TFR2: variants seen among roughly 807,000 people sequenced by gnomAD.
TFR2 encodes the protein transferrin receptor 2.
TFR2 carries 64 observed loss-of-function variants against 91.9 expected under a neutral mutation model. The observed-to-expected ratio is 0.70, with a 90% CI of 0.57 to 0.86. The LOEUF is 0.86. Ranked by LOEUF, TFR2 falls within the 40% of genes least tolerant of loss-of-function variation. TFR2 has a pLI of 0.00. For synonymous variants in TFR2, 454 were observed against 459.6 expected (o/e 0.99, Z 0.15); for missense variants, 950 against 1,080.5 (o/e 0.88, Z 1.69).
intron 3 of TFR2, among the ~76,000 whole-genome samples, chr7:100,639,117 T>G (rs1042166331): frequency 1.3e-5 from 2 of 152,298 alleles, no homozygotes; most frequent in Non-Finnish European, 2.9e-5. Context: ...ATCCCAGCAC[T>G]TTGGGAAGCC....
At position 100,621,000 on chromosome 7, in the gene TFR2, T is replaced by A; in HGVS notation, c.2263A>T (p.Ser755Cys). 2 of 1,608,454 alleles carry A rather than the reference T, an allele frequency of 1.2e-6. No homozygotes were observed. The highest frequency in any genetic ancestry group is 1.7e-6 in the Non-Finnish European group (2 of 1,177,766). ...LDHLRLLRSN[S>C]SGTPGATSST... ...GAGGTGGCCCCGGGGGTCCCGGAGC[T>A]GTTGGAGCGCAGCAGCCGCAGGTGG... The change falls in exon 18 of 18, where the codon AGC becomes TGC. Residue 755 changes from serine (S) to cysteine (C), a missense_variant. Coordinates refer to ENST00000223051, the MANE Select transcript of TFR2 (RefSeq NM_003227.4).
chr7:100,631,978 G>A lies in TFR2; in HGVS notation c.967-33C>T, dbSNP rs41303474. 1,064 of 1,614,038 alleles carry A rather than the reference G, an allele frequency of 6.6e-4. 4 individuals are homozygous for A. The African/African-American group carries it at 0.011, about 16-fold the overall frequency. On this transcript the variant is annotated intron_variant, in intron 7 of 17. Coordinates refer to ENST00000223051, the MANE Select transcript of TFR2 (RefSeq NM_003227.4). ...GAAAGGGGTGCCCACGCAAAGCTGC[G>A]AGCTGGGCTTCCAGGAAAAACGAAA...
At chr7:100,638,043 G>A (rs148168477) in intron 3 of TFR2, among the ~76,000 whole-genome samples, 12 of 151,814 alleles carry the variant, frequency 7.9e-5, no homozygotes, top group African/African-American at 2.7e-4. Context: ...TTGCTCTGTC[G>A]CCCAGGCTGG....
rs144771563 is a variant in TFR2, at chr7:100,627,079, C to T, written c.1996-176G>A. On this transcript the variant is annotated intron_variant, in intron 16 of 17. Transcript: ENST00000223051. ...AGGATGAAGGGAGTGGGGAGAAGAT[C>T]CTGCACCTGCCAGGTTGGGCGATGG... Among the ~76,000 whole-genome samples, 11 of 151,930 alleles carry T rather than the reference C, an allele frequency of 7.2e-5. No individual in the cohort carries two copies. In the East Asian group the frequency reaches 2.1e-3, roughly 30 times the overall value.
rs1434588421 is a variant in TFR2, at chr7:100,620,762, G to C, written c.*95C>G. 1 of 1,552,446 alleles carries C rather than the reference G, an allele frequency of 6.4e-7. No homozygotes were observed. Among genetic ancestry groups the C allele is most frequent in the East Asian group, 2.3e-5 (1 of 44,102 alleles). ...ATGAGAAATTGATCAGCAATGAGAG[G>C]TGGACTCTGAGCCACCTCCCTGACC... On this transcript the variant is annotated 3_prime_UTR_variant, in exon 18 of 18. Coordinates refer to ENST00000223051, the MANE Select transcript of TFR2 (RefSeq NM_003227.4).
At chr7:100,632,411 C>T (rs1456660348) in intron 6 of TFR2, among the ~76,000 whole-genome samples, 1 of 152,092 alleles carries the variant, frequency 6.6e-6, no homozygotes, top group Non-Finnish European at 1.5e-5. Context: ...GTTTCTGTTC[C>T]CTTCCCCATC....
At chr7:100,625,776 T>G (rs60263028) in intron 17 of TFR2, among the ~76,000 whole-genome samples, 2,615 of 152,108 alleles carry the variant, frequency 0.017, 75 homozygotes, top group African/African-American at 0.061. Context: ...TCCCAGCTAC[T>G]AGGGAGGCTG....
In TFR2 at chr7:100,631,768, C is replaced by G. The variant is rs769693543; in HGVS notation, c.1106+38G>C. On this transcript the variant is annotated intron_variant, in intron 8 of 17. Coordinates refer to ENST00000223051, the MANE Select transcript of TFR2 (RefSeq NM_003227.4). ...TGGCCTCGCTGCAGCCTTCCTCTCT[C>G]TGCTTCCTCCTCTTCTGGTCCCCAA... The G allele has an allele frequency of 3.8e-6, 6 of 1,598,978 alleles. No homozygotes were observed. The African/African-American group carries it at 8.1e-5, about 21-fold the overall frequency.
intron 3 of TFR2, among the ~76,000 whole-genome samples, chr7:100,634,493 G>T (rs1803537378): frequency 6.6e-6 from 1 of 151,948 alleles, no homozygotes; most frequent in African/African-American, 2.4e-5. Flanking sequence ...GGCCTCAAGC[G>T]ATCCTCCCAA....
In TFR2 at chr7:100,620,946, G is replaced by T; in HGVS notation, c.2317C>A (p.Arg773=). ...CAGGTGAGCAGGGCTAGCTGACGCC[G>T]GAAACGGCTCTCCTGGAAGCCAGTG... ...SSTGFQESRF[R]RQLALLTWTL... The change falls in exon 18 of 18, where the codon CGG becomes AGG. Residue 773 remains arginine (R), a synonymous_variant. Coordinates refer to ENST00000223051, the MANE Select transcript of TFR2 (RefSeq NM_003227.4). 6.2e-7 allele frequency: 1 copy of T among 1,613,876 alleles called. No homozygotes were observed. The highest frequency in any genetic ancestry group is 8.5e-7 in the Non-Finnish European group (1 of 1,179,908).
rs1004291913 is a variant in TFR2 at position 100,620,798 on chromosome 7, C to T, written c.*59G>A. ...GCCACCTCCCTGACCCTGAATCATT[C>T]AAGCGAGGAGCAGAGGAGCTCTTGA... On this transcript the variant is annotated 3_prime_UTR_variant, in exon 18 of 18. Transcript: ENST00000223051. 8 of 1,608,248 alleles carry T rather than the reference C, an allele frequency of 5.0e-6. No individual in the cohort carries two copies. In the African/African-American group the frequency reaches 9.4e-5, roughly 19 times the overall value.
intron 17 of TFR2, among the ~76,000 whole-genome samples, chr7:100,623,926 C>T (rs373863077): frequency 6.8e-6 from 1 of 146,940 alleles, no homozygotes; most frequent in Non-Finnish European, 1.5e-5. Flanking sequence ...CATGGTTGTG[C>T]GCGCCTGTAG....
intron 17 of TFR2, among the ~76,000 whole-genome samples, chr7:100,623,776 G>T (rs542964370): frequency 6.0e-5 from 9 of 150,304 alleles, no homozygotes; most frequent in Non-Finnish European, 1.3e-4. Flanking sequence ...CCAGCCGGGC[G>T]CAGTAGCTCA....
At chr7:100,641,314 GGGT>G (rs895222844) in intron 1 of TFR2, 86 bp from the exon 2 acceptor site, 2 of 1,505,480 alleles carry the variant, frequency 1.3e-6, no homozygotes. Context: ...AGTGACTTGG[GGGT>G]GTCAAATGAG....
chr7:100,627,700 C>T (rs953857568), intron 14 of TFR2, 39 bp from the exon 15 acceptor site: 12 of 1,613,876 alleles, frequency 7.4e-6, no homozygotes, highest in Non-Finnish European at 9.3e-6. Flanking sequence ...TGGGTTCAGG[C>T]TCCCCCACAT....
Position 100,627,783 on chromosome 7 carries a change from T to TAAC in TFR2, c.1642_1643insGTT (p.Glu548delinsGlyTer). The TAAC allele has an allele frequency of 6.2e-7, 1 of 1,613,946 alleles. No homozygotes were observed. The highest frequency in any genetic ancestry group is 8.5e-7 in the Non-Finnish European group (1 of 1,179,944). On this transcript the variant is annotated stop_gained and protein_altering_variant, in exon 14 of 18. Coordinates refer to ENST00000223051, the MANE Select transcript of TFR2 (RefSeq NM_003227.4). LOFTEE classifies it high-confidence loss of function. ...GCTGGGATTGGTGAACACCACCTGT[T>TAAC]CATAGAGAGTCTGCCCACTGTGGTT...
intron 8 of TFR2, 30 bp from the exon 9 acceptor site, chr7:100,631,082 G>C (rs1441629130): frequency 6.6e-7 from 1 of 1,518,514 alleles, no homozygotes; most frequent in African/African-American, 1.4e-5. Flanking sequence ...AAAGGGGGAA[G>C]TTGTAGAGAG....
chr7:100,626,763 C>A lies in TFR2; in HGVS notation c.2136G>T (p.Arg712=). The change falls in exon 17 of 18, where the codon CGG becomes CGT. Residue 712 remains arginine, a splice_region_variant and synonymous_variant. Coordinates refer to ENST00000223051, the MANE Select transcript of TFR2 (RefSeq NM_003227.4). The part of the protein sequence containing the change: ...LTRMYNVRIM[R]VEFYFLSQYV... ...CGGGGCGAGGAGGGCGGGGCCTCAC[C>A]CGCATTATGCGCACGTTGTACATGC... 6.5e-7 allele frequency: 1 copy of A among 1,543,922 alleles called. No individual in the cohort carries two copies. Among genetic ancestry groups the A allele is most frequent in the Non-Finnish European group, 8.7e-7 (1 of 1,146,808 alleles).
intron 6 of TFR2, 63 bp downstream of exon 6, chr7:100,632,938 T>G: frequency 6.2e-7 from 1 of 1,613,110 alleles, no homozygotes; most frequent in Non-Finnish European, 8.5e-7. Flanking sequence ...TGAACGATTC[T>G]CACTGGCAGT....
Sources: gnomAD v4.1 joint callset for allele counts (sites outside exome capture counted in the v4.1 genomes callset) on GRCh38, gnomAD v4.1.1 for gene constraint, MANE v1.5 for transcripts, NCBI Gene and HGNC (gene_info 2026-07-23, HGNC 2026-07-21) for gene names.